Variants in PIK3CG observed in about 807,000 individuals in gnomAD.
PIK3CG encodes phosphatidylinositol 4,5-bisphosphate 3-kinase catalytic subunit gamma isoform.
Under a neutral mutation model 102.3 loss-of-function variants are expected in PIK3CG, and 55 were observed. The ratio of observed to expected loss-of-function variants is 0.54; its 90% CI spans 0.43 to 0.67. PIK3CG has a LOEUF of 0.67. Among genes scored for constraint, PIK3CG ranks in the 30% least tolerant of loss-of-function variants. The pLI, the probability that PIK3CG is intolerant of heterozygous loss-of-function variation, is 0.00. For missense variants in PIK3CG, 1,258 were observed against 1,391.8 expected (o/e 0.90, Z 1.53); for synonymous variants, 552 against 540.0 (o/e 1.02, Z -0.31).
At chr7:106,873,592 G>T (rs1353875687) in intron 4 of PIK3CG, among the ~76,000 whole-genome samples, 1 of 152,134 alleles carries the variant, frequency 6.6e-6, no homozygotes, top group Non-Finnish European at 1.5e-5. Context: ...TATATGGGAG[G>T]AAGTGCATAG....
chr7:106,872,425 T>C lies in PIK3CG; in HGVS notation c.1996-112T>C. The C allele has an allele frequency of 1.2e-6, 1 of 833,538 alleles. No individual in the cohort carries two copies. The highest frequency in any genetic ancestry group is 2.0e-6 in the Non-Finnish European group (1 of 498,260). The allele number at this position is 833,538 out of a possible 1,614,324, so 51.6% of individuals were successfully genotyped here. On this transcript the variant is annotated intron_variant, in intron 2 of 10. Transcript: ENST00000496166. This position sits in a 1 kb window ranked among gnomAD's most constrained non-coding sequence, Gnocchi z 5.3. ...TAAGTGACTGTTAAGATTTTCATCT[T>C]TCTAGCCGTGAAGACCCAGTAAAGC...
Position 106,879,383 on chromosome 7 carries a change from C to T in PIK3CG, c.2392-136C>T. ...TCAAAACAACTTCTGTATTTTTACC[C>T]AAATATTGAAAATCATTCTCCAACT... On this transcript the variant is annotated intron_variant, in intron 5 of 10. Coordinates refer to ENST00000496166, the MANE Select transcript of PIK3CG (RefSeq NM_001282426.2). The surrounding 1 kb of genome is among the most constrained non-coding windows in gnomAD (Gnocchi z 4.9). 1 of 780,224 alleles carries T rather than the reference C, an allele frequency of 1.3e-6. No homozygotes were observed. 48.3% of individuals were successfully genotyped at this position (780,224 alleles called of 1,614,324 possible). A position where few individuals can be genotyped will look rare whatever the true frequency, so the allele number is the denominator to read the frequency against.
rs749993741 is a variant in PIK3CG at position 106,869,212 on chromosome 7, C to G, written c.1651C>G (p.Leu551Val). 6.2e-7 allele frequency: 1 copy of G among 1,614,226 alleles called. No individual in the cohort carries two copies. The highest frequency in any genetic ancestry group is 8.5e-7 in the Non-Finnish European group (1 of 1,180,046). ...GGTTCGAGCAGAAATGCCCAACCAGCTTCGCAAGCAATTGGAGGCGATCAT... is the reference window on the plus strand; with the variant it reads ...GGTTCGAGCAGAAATGCCCAACCAGGTTCGCAAGCAATTGGAGGCGATCAT... ...DRVRAEMPNQLRKQLEAIIAT... is the reference protein window; with the variant it reads ...DRVRAEMPNQVRKQLEAIIAT... The change falls in exon 2 of 11, where the codon CTT becomes GTT. Residue 551 changes from leucine to valine, a missense_variant. Transcript: ENST00000496166. The surrounding 1 kb of genome is among the most constrained non-coding windows in gnomAD (Gnocchi z 5.3).
chr7:106,895,137 T>C lies in PIK3CG; in HGVS notation c.3030+8845T>C, dbSNP rs1016975367. On this transcript the variant is annotated intron_variant, in intron 10 of 10. Transcript: ENST00000496166. This position sits in a 1 kb window ranked among gnomAD's most constrained non-coding sequence, Gnocchi z 5.4. ...AATGTAATGTTCCCCACATTTGTAG[T>C]CATTAACAAGTGCATTAAACCAAGT... is the stretch of plus-strand genomic sequence containing the variant. Among the ~76,000 whole-genome samples, 3 of 152,230 alleles carry C rather than the reference T, an allele frequency of 2.0e-5. No individual in the cohort carries two copies. The highest frequency in any genetic ancestry group is 4.8e-5 in the African/African-American group (2 of 41,464).
intron 4 of PIK3CG, among the ~76,000 whole-genome samples, chr7:106,873,492 T>A (rs1296379726): frequency 6.6e-6 from 1 of 152,230 alleles, no homozygotes; most frequent in Non-Finnish European, 1.5e-5. Flanking sequence ...TTTTTTCCTG[T>A]CATTATTCCC....
rs1002365351 is a variant in PIK3CG at position 106,908,254 on chromosome 7, G to A, written c.*2867G>A. Among the ~76,000 whole-genome samples the A allele has an allele frequency of 1.3e-5, 2 of 152,182 alleles. No individual in the cohort carries two copies. Among genetic ancestry groups the A allele is most frequent in the African/African-American group, 2.4e-5 (1 of 41,452 alleles). ...AGCACAGTGCCCTTCTGAGCATGAG[G>A]CTCTGTGTGACTGCATGGGTCCATG... On this transcript the variant is annotated 3_prime_UTR_variant, in exon 11 of 11. Coordinates refer to ENST00000496166, the MANE Select transcript of PIK3CG (RefSeq NM_001282426.2). The surrounding 1 kb of genome is among the most constrained non-coding windows in gnomAD (Gnocchi z 4.1).
intron 10 of PIK3CG, among the ~76,000 whole-genome samples, chr7:106,896,860 C>A (rs552792772): frequency 8.5e-5 from 13 of 152,304 alleles, no homozygotes; most frequent in African/African-American, 2.9e-4. Flanking sequence ...GATGTGTACC[C>A]TGCCCAGCCT....
chr7:106,887,933 C>CT (rs71156344), intron 10 of PIK3CG, among the ~76,000 whole-genome samples: 32,814 of 60,436 alleles, frequency 0.54, 13,547 homozygotes, highest in Non-Finnish European at 0.62. Context: ...GACGACTCTC[C>CT]TTTTTTTTTT....
chr7:106,898,004 G>A (rs1165148476), intron 10 of PIK3CG, among the ~76,000 whole-genome samples: 2 of 152,168 alleles, frequency 1.3e-5, no homozygotes, highest in Non-Finnish European at 2.9e-5. Context: ...CACCAACAAT[G>A]TATAAGTGTT....
chr7:106,879,547 A>G lies in PIK3CG; in HGVS notation c.2420A>G (p.Lys807Arg). The G allele has an allele frequency of 6.2e-7, 1 of 1,613,824 alleles. No homozygotes were observed. The highest frequency in any genetic ancestry group is 8.5e-7 in the Non-Finnish European group (1 of 1,179,754). Residue 807 changes from lysine (K) to arginine (R), a missense_variant, in exon 6 of 11, where the codon AAG (lysine) becomes AGG (arginine). By Grantham distance (26) the Lys-to-Arg change is conservative. This residue lies in a region of PIK3CG where 426 missense variants were observed against 604.2 expected (regional missense o/e 0.71). Coordinates refer to ENST00000496166, the MANE Select transcript of PIK3CG (RefSeq NM_001282426.2). The surrounding 1 kb of genome is among the most constrained non-coding windows in gnomAD (Gnocchi z 4.9). ...AIEKCKVMASKKKPLWLEFKC... is the reference protein window; with the variant it reads ...AIEKCKVMASRKKPLWLEFKC... ...GAAAAATGTAAAGTAATGGCCTCCA[A>G]GAAAAAACCACTATGGCTTGAGTTT...
At position 106,868,955 on chromosome 7, in the gene PIK3CG, A is replaced by T. The variant is rs1562955073; in HGVS notation, c.1394A>T (p.Asn465Ile). The T allele has an allele frequency of 6.2e-7, 1 of 1,614,056 alleles. No individual in the cohort carries two copies. The change falls in exon 2 of 11, where the codon AAC becomes ATC. Residue 465 changes from asparagine (N) to isoleucine (I), a missense_variant. Coordinates refer to ENST00000496166, the MANE Select transcript of PIK3CG (RefSeq NM_001282426.2). The surrounding 1 kb of genome is among the most constrained non-coding windows in gnomAD (Gnocchi z 6.2). The part of the protein sequence containing the change: ...KGKVQLLYYV[N>I]LLLIDHRFLL... The stretch of plus-strand genomic sequence containing the variant: ...AAAGTTCAGCTTCTCTATTATGTGA[A>T]CCTGCTGCTGATAGACCACCGTTTC...
chr7:106,881,264 A>T (rs1404021351), intron 6 of PIK3CG, among the ~76,000 whole-genome samples: 3 of 152,126 alleles, frequency 2.0e-5, no homozygotes, highest in South Asian at 2.1e-4. Flanking sequence ...GTTGGGGCAC[A>T]TAGTTTGGCA....
At position 106,884,036 on chromosome 7, in the gene PIK3CG, A is replaced by C; in HGVS notation, c.2761-119A>C. 1.4e-6 allele frequency: 1 copy of C among 738,430 alleles called. No individual in the cohort carries two copies. Among genetic ancestry groups the C allele is most frequent in the South Asian group, 1.7e-5 (1 of 58,048 alleles). The allele number at this position is 738,430 out of a possible 1,614,324, so 45.7% of individuals were successfully genotyped here. A position where few individuals can be genotyped will look rare whatever the true frequency, so the allele number is the denominator to read the frequency against. ...AGATATAATGCTAATGAAATCAGGC[A>C]CAACTAACTTGCTCTCTGAAAATGG... On this transcript the variant is annotated intron_variant, in intron 8 of 10. Coordinates refer to ENST00000496166, the MANE Select transcript of PIK3CG (RefSeq NM_001282426.2). The surrounding 1 kb of genome is among the most constrained non-coding windows in gnomAD (Gnocchi z 4.2).
At chr7:106,866,468 A>C (rs1356524217) in intron 1 of PIK3CG, among the ~76,000 whole-genome samples, 1 of 152,142 alleles carries the variant, frequency 6.6e-6, no homozygotes, top group Non-Finnish European at 1.5e-5. Context: ...AATGAGAATA[A>C]ATTTGTGAAT....
rs1790309819 is a variant in PIK3CG, at chr7:106,867,055, T to G, written c.-12-495T>G. On this transcript the variant is annotated intron_variant, in intron 1 of 10. Transcript: ENST00000496166. The surrounding 1 kb of genome is among the most constrained non-coding windows in gnomAD (Gnocchi z 5.1). The stretch of plus-strand genomic sequence containing the variant: ...GTGTTGCACCTTGTAAACTGGGACT[T>G]GAACCTTAACTGTACTATTTTAGTA... Among the ~76,000 whole-genome samples, 1 of 152,184 alleles carries G rather than the reference T, an allele frequency of 6.6e-6. No homozygotes were observed. Among genetic ancestry groups the G allele is most frequent in the Admixed American group, 6.5e-5 (1 of 15,282 alleles).
chr7:106,897,658 T>C lies in PIK3CG; in HGVS notation c.3031-7451T>C. ...TTGGATTTCTGTCTCTGCATTAGTT[T>C]GCTAAAGATAATAGCCCCCAGCTCC... On this transcript the variant is annotated intron_variant, in intron 10 of 10. Transcript: ENST00000496166. The surrounding 1 kb of genome is among the most constrained non-coding windows in gnomAD (Gnocchi z 4.6). Among the ~76,000 whole-genome samples the C allele has an allele frequency of 6.6e-6, 1 of 152,244 alleles. No homozygotes were observed.
rs992269379 is a variant in PIK3CG at position 106,907,727 on chromosome 7, A to AAT, written c.*2352_*2353dup. Among the ~76,000 whole-genome samples the AAT allele has an allele frequency of 2.2e-4, 24 of 109,310 alleles. No individual in the cohort carries two copies. The highest frequency in any genetic ancestry group is 4.4e-3 in the Middle Eastern group (1 of 228). 71.7% of individuals were successfully genotyped at this position (109,310 alleles called of 152,430 possible). On this transcript the variant is annotated 3_prime_UTR_variant, in exon 11 of 11. Coordinates refer to ENST00000496166, the MANE Select transcript of PIK3CG (RefSeq NM_001282426.2). The stretch of plus-strand genomic sequence containing the variant: ...ACCAGTTCTTTCATTTCATTATGCT[A>AAT]ATATATATATATAACATATATATGC...
chr7:106,882,908 C>T, intron 7 of PIK3CG, 125 bp from the exon 8 acceptor site: 1 of 759,554 alleles, frequency 1.3e-6, no homozygotes, highest in Non-Finnish European at 2.0e-6. Context: ...TGGAAAATAG[C>T]TCTCTGGTCA....
In PIK3CG at chr7:106,868,848, G is replaced by A. The variant is rs780998655; in HGVS notation, c.1287G>A (p.Leu429=). The A allele has an allele frequency of 6.2e-7, 1 of 1,614,066 alleles. No homozygotes were observed. Among genetic ancestry groups the A allele is most frequent in the African/African-American group, 1.3e-5 (1 of 74,922 alleles). ...AAGACTTGCCCAAAGGGGCTCTACTGAACCTCCAGATCTACTGCGGTAAAG... is the reference window on the plus strand; with the variant it reads ...AAGACTTGCCCAAAGGGGCTCTACTAAACCTCCAGATCTACTGCGGTAAAG... ...KIKDLPKGAL[L]NLQIYCGKAP... is the part of the protein sequence containing the mutation. The change falls in exon 2 of 11, where the codon CTG becomes CTA. Residue 429 remains leucine (L), a synonymous_variant. Transcript: ENST00000496166. This position sits in a 1 kb window ranked among gnomAD's most constrained non-coding sequence, Gnocchi z 6.2.
Sources: gnomAD v4.1 joint callset for allele counts (sites outside exome capture counted in the v4.1 genomes callset) on GRCh38, gnomAD v4.1.1 for gene constraint, gnomAD v4.1.1 regional missense constraint, Gnocchi (gnomAD v3.1) non-coding constraint, MANE v1.5 for transcripts, NCBI Gene and HGNC (gene_info 2026-07-23, HGNC 2026-07-21) for gene names.